ZNF605: variants seen among roughly 807,000 people sequenced by gnomAD.
The protein encoded by ZNF605 is zinc finger protein 605.
A neutral mutation model predicts 7.9 loss-of-function variants in ZNF605; 9 were observed. The observed-to-expected ratio is 1.14, with a 90% CI of 0.68 to 1.98. ZNF605 has a LOEUF of 1.98. ZNF605 is among the 30% of genes most tolerant of loss of function. ZNF605 has a pLI of 0.00. For synonymous variants in ZNF605, 255 were observed against 260.1 expected, an observed-to-expected ratio of 0.98 and a Z score of 0.19; for missense variants, 673 against 762.4, an observed-to-expected ratio of 0.88 and a Z score of 1.38.
intron 3 of ZNF605, chr12:132,944,683 C>G (rs1952480162): frequency 6.6e-6 from 1 of 152,246 alleles, no homozygotes; most frequent in Non-Finnish European, 1.5e-5. Context: ...GATTCATGCC[C>G]TTAGCTGACA....
intron 3 of ZNF605, among the ~76,000 whole-genome samples, chr12:132,943,518 G>A (rs1952467205): frequency 1.3e-5 from 2 of 152,162 alleles, no homozygotes; most frequent in Non-Finnish European, 2.9e-5. Flanking sequence ...TGCAGTCAGG[G>A]GTCGTGATCT....
intron 4 of ZNF605, among the ~76,000 whole-genome samples, chr12:132,932,227 T>C (rs1397212172): frequency 6.6e-6 from 1 of 152,066 alleles, no homozygotes; most frequent in Non-Finnish European, 1.5e-5. Context: ...AGCATGAGGA[T>C]TACAGTATGA....
rs1165209428 is a variant in ZNF605 at position 132,941,041 on chromosome 12, T to C, written c.15+4580A>G. On this transcript the variant is annotated intron_variant, in intron 3 of 4. Coordinates refer to ENST00000360187, the MANE Select transcript of ZNF605 (RefSeq NM_183238.4). This position sits in a 1 kb window ranked among gnomAD's most constrained non-coding sequence, Gnocchi z 5.1. ...GAGACATTTAGATAAAAATCAGTTC[T>C]GCTCCTAAGAAGCATTTTGTTACCC... 6.6e-6 allele frequency among the ~76,000 whole-genome samples: 1 copy of C among 152,156 alleles called. No homozygotes were observed. The highest frequency in any genetic ancestry group is 1.5e-5 in the Non-Finnish European group (1 of 68,030).
chr12:132,929,433 T>C (rs960400862), intron 4 of ZNF605, among the ~76,000 whole-genome samples: 1 of 151,916 alleles, frequency 6.6e-6, no homozygotes, highest in Non-Finnish European at 1.5e-5. Context: ...ATATGGAAAA[T>C]TAAAGAAAGA....
At position 132,941,367 on chromosome 12, in the gene ZNF605, C is replaced by T. The variant is rs1376611360; in HGVS notation, c.15+4254G>A. 1.3e-5 allele frequency among the ~76,000 whole-genome samples: 2 copies of T among 152,194 alleles called. No individual in the cohort carries two copies. Among genetic ancestry groups the T allele is most frequent in the East Asian group, 3.9e-4 (2 of 5,190 alleles). On this transcript the variant is annotated intron_variant, in intron 3 of 4. Transcript: ENST00000360187. This position sits in a 1 kb window ranked among gnomAD's most constrained non-coding sequence, Gnocchi z 5.1. ...AGATTGCCAGGTCAATCGGCCATGA[C>T]ATTCTCGGCAGGTAGATCAATGTTT...
In ZNF605 at chr12:132,926,485, G is replaced by A; in HGVS notation, c.814C>T (p.Gln272Ter). The change falls in exon 5 of 5, where the codon CAG (glutamine) becomes TAG (stop). Residue 272 changes from glutamine to a stop codon, truncating the protein, a stop_gained. Coordinates refer to ENST00000360187, the MANE Select transcript of ZNF605 (RefSeq NM_183238.4). LOFTEE classifies it low-confidence loss of function (END_TRUNC). Reference protein sequence around the residue: ...FSRKSQLKRHQITHTIEKPYS... With the variant: ...FSRKSQLKRH ...GGTTTCTCTATTGTGTGCGTTATCT[G>A]ATGTCTTTTAAGCTGCGACTTCCTA... 1 of 1,614,162 alleles carries A rather than the reference G, an allele frequency of 6.2e-7. No individual in the cohort carries two copies. The highest frequency in any genetic ancestry group is 2.2e-5 in the East Asian group (1 of 44,882).
chr12:132,947,207 G>A (rs1952503147), intron 2 of ZNF605, among the ~76,000 whole-genome samples: 1 of 152,088 alleles, frequency 6.6e-6, no homozygotes, highest in East Asian at 1.9e-4. Context: ...TAGAGTCGGG[G>A]TTTCACCATA....
chr12:132,943,857 G>A (rs1456064801), intron 3 of ZNF605, among the ~76,000 whole-genome samples: 3 of 152,138 alleles, frequency 2.0e-5, no homozygotes, highest in Non-Finnish European at 4.4e-5. Flanking sequence ...AAATGAGGCT[G>A]GAGCTTGCTG....
chr12:132,927,105 C>A lies in ZNF605; in HGVS notation c.194G>T (p.Ser65Ile), dbSNP rs983615151. Reference sequence around the variant, plus strand: ...ATCATATTTATGGCCTCTCTCCATACTTTTAAGGTTGTCTTGATTATCTCG... The same window carrying A: ...ATCATATTTATGGCCTCTCTCCATAATTTTAAGGTTGTCTTGATTATCTCG... ...WLRDNQDNLK[S>I]MERGHKYDVF... The change falls in exon 5 of 5, where the codon AGT becomes ATT. Residue 65 changes from serine (S) to isoleucine (I), a missense_variant. By Grantham distance (142) the Ser-to-Ile change is moderately radical. Transcript: ENST00000360187. The A allele has an allele frequency of 1.1e-4, 178 of 1,589,050 alleles. No homozygotes were observed. The highest frequency in any genetic ancestry group is 1.5e-4 in the Non-Finnish European group (171 of 1,176,766).
rs1473779986 is a variant in ZNF605, at chr12:132,926,660, C to T, written c.639G>A (p.Thr213=). 1.5e-5 allele frequency: 25 copies of T among 1,613,508 alleles called. No homozygotes were observed. The highest frequency in any genetic ancestry group is 2.7e-5 in the African/African-American group (2 of 74,724). ...CTCCTGAGTGAGTTCTTTGATGAAC[C>T]GTGAGCAGTGACTTCTGTGAAAAGG... ...GKAFSQKSLL[T]VHQRTHSGEK... The change falls in exon 5 of 5, where the codon ACG becomes ACA. Residue 213 remains threonine, a synonymous_variant. Coordinates refer to ENST00000360187, the MANE Select transcript of ZNF605 (RefSeq NM_183238.4).
rs754464240 is a variant in ZNF605 at position 132,936,691 on chromosome 12, C to T, written c.16-3536G>A. Among the ~76,000 whole-genome samples, 781 of 152,306 alleles carry T rather than the reference C, an allele frequency of 5.1e-3. 6 individuals are homozygous for T. The highest frequency in any genetic ancestry group is 0.018 in the African/African-American group (745 of 41,566). On this transcript the variant is annotated intron_variant, in intron 3 of 4. Transcript: ENST00000360187. ...CTCATAAGCAAAAGGGATCTCAACA[C>T]ATACCTCACACCTTATATCAAAACT...
chr12:132,946,435 C>G (rs1000898926), intron 2 of ZNF605, among the ~76,000 whole-genome samples: 1 of 152,234 alleles, frequency 6.6e-6, no homozygotes, highest in Non-Finnish European at 1.5e-5. Context: ...CTGCAGCCTA[C>G]AGCAGATGGG....
chr12:132,949,152 T>C (rs1952530480), intron 1 of ZNF605, among the ~76,000 whole-genome samples: 1 of 152,104 alleles, frequency 6.6e-6, no homozygotes, highest in South Asian at 2.1e-4. Context: ...TCTGAGTGAG[T>C]TGCTCCATCA....
Position 132,923,870 on chromosome 12 carries a change from A to G in ZNF605, c.*1503T>C, listed in dbSNP as rs1169082671. On this transcript the variant is annotated 3_prime_UTR_variant, in exon 5 of 5. Coordinates refer to ENST00000360187, the MANE Select transcript of ZNF605 (RefSeq NM_183238.4). The stretch of plus-strand genomic sequence containing the variant: ...TTTTCCTATTCTCTTCCTCTTCTCT[A>G]AGTCTTTTTTTCTCTCTGTATATCA... 3 of 151,956 alleles carry G rather than the reference A, an allele frequency of 2.0e-5. No homozygotes were observed. The highest frequency in any genetic ancestry group is 4.8e-5 in the African/African-American group (2 of 41,384). The allele number at this position is 151,956 out of a possible 1,614,324, so 9.4% of individuals were successfully genotyped here. A position where few individuals can be genotyped will look rare whatever the true frequency, so the allele number is the denominator to read the frequency against.
At chr12:132,934,998 C>G (rs1473053284) in intron 3 of ZNF605, among the ~76,000 whole-genome samples, 1 of 152,030 alleles carries the variant, frequency 6.6e-6, no homozygotes, top group Admixed American at 6.6e-5. Context: ...TGAGCAAAGA[C>G]ATGGAAATAA....
chr12:132,942,468 T>C (rs1463004311), intron 3 of ZNF605, among the ~76,000 whole-genome samples: 2 of 152,152 alleles, frequency 1.3e-5, no homozygotes, highest in African/African-American at 2.4e-5. Flanking sequence ...AACAAACTCA[T>C]GTCATGGATA....
At chr12:132,950,613 GAC>G (rs1443501279) in intron 1 of ZNF605, among the ~76,000 whole-genome samples, 1 of 146,292 alleles carries the variant, frequency 6.8e-6, no homozygotes, top group Non-Finnish European at 1.5e-5. Flanking sequence ...CACACACAAA[GAC>G]AGGCATACAC....
At position 132,933,140 on chromosome 12, in the gene ZNF605, C is replaced by T; in HGVS notation, c.31G>A (p.Val11Met). Residue 11 changes from valine (V) to methionine (M), a missense_variant, in exon 4 of 5, where the codon GTG (valine) becomes ATG (methionine). By Grantham distance (21) the Val-to-Met change is conservative. Transcript: ENST00000360187. The surrounding 1 kb of genome is among the most constrained non-coding windows in gnomAD (Gnocchi z 4.4). ...TCCTCCAGCGTGAAATCCACAGCCA[C>T]ATCCTCAAATGATATCTGGAAAAGC... MIQSQISFED[V>M]AVDFTLEEWQ... 1.2e-6 allele frequency: 2 copies of T among 1,609,984 alleles called. No homozygotes were observed. The highest frequency in any genetic ancestry group is 1.7e-6 in the Non-Finnish European group (2 of 1,177,610).
chr12:132,937,334 G>T (rs1334235850), intron 3 of ZNF605, among the ~76,000 whole-genome samples: 1 of 143,140 alleles, frequency 7.0e-6, no homozygotes, highest in Non-Finnish European at 1.5e-5. Context: ...ACTCCAGCCT[G>T]GGCGACAAGA....
Sources: gnomAD v4.1 joint callset for allele counts (sites outside exome capture counted in the v4.1 genomes callset) on GRCh38, gnomAD v4.1.1 for gene constraint, Gnocchi (gnomAD v3.1) non-coding constraint, MANE v1.5 for transcripts, NCBI Gene and HGNC (gene_info 2026-07-23, HGNC 2026-07-21) for gene names.